SNRPC: variants seen among roughly 807,000 people sequenced by gnomAD.
SNRPC encodes small nuclear ribonucleoprotein polypeptide C.
Under a neutral mutation model 20.0 loss-of-function variants are expected in SNRPC, and 5 were observed. The ratio of observed to expected loss-of-function variants is 0.25; its 90% CI spans 0.13 to 0.53. The LOEUF (loss-of-function observed/expected upper bound fraction) is 0.53. SNRPC is among the 20% of genes least tolerant of loss of function. SNRPC has a pLI of 0.96. For missense variants in SNRPC, 112 were observed against 224.1 expected, an observed-to-expected ratio of 0.50 and a Z score of 3.19; for synonymous variants, 61 against 58.7, an observed-to-expected ratio of 1.04 and a Z score of -0.18.
Position 34,764,978 on chromosome 6 carries a change from G to A in SNRPC, c.160+2275G>A, listed in dbSNP as rs142156259. The stretch of plus-strand genomic sequence containing the variant: ...GGAGGTTGCAGTGAACAGAGATCTC[G>A]CCACTGCATTCCAGCCTGGGCAACA... On this transcript the variant is annotated intron_variant, in intron 3 of 5. Coordinates refer to ENST00000244520, the MANE Select transcript of SNRPC (RefSeq NM_003093.3). Among the ~76,000 whole-genome samples, 1,184 of 152,030 alleles carry A rather than the reference G, an allele frequency of 7.8e-3. 16 individuals are homozygous for A. The highest frequency in any genetic ancestry group is 0.024 in the African/African-American group (1,009 of 41,452).
At chr6:34,759,685 C>T (rs944537311) in intron 2 of SNRPC, among the ~76,000 whole-genome samples, 4 of 152,054 alleles carry the variant, frequency 2.6e-5, no homozygotes, top group Non-Finnish European at 5.9e-5. Flanking sequence ...TCTAAAGTAC[C>T]AGGAGTTTGG....
intron 3 of SNRPC, among the ~76,000 whole-genome samples, chr6:34,763,092 A>G (rs1354153340): frequency 6.6e-6 from 1 of 152,096 alleles, no homozygotes; most frequent in East Asian, 1.9e-4. Context: ...GGTTTTCCCC[A>G]AATAGTTTGA....
chr6:34,767,986 C>G lies in SNRPC; in HGVS notation c.239C>G (p.Pro80Arg). ...PPPAGAMIPPPPSLPGPPRPG... is the reference protein window; with the variant it reads ...PPPAGAMIPPRPSLPGPPRPG... ...CCTGCAGGGGCGATGATACCACCTCCCCCCAGCCTTCGTAAGTTTAAACTT... is the reference window on the plus strand; with the variant it reads ...CCTGCAGGGGCGATGATACCACCTCGCCCCAGCCTTCGTAAGTTTAAACTT... The change falls in exon 4 of 6, where the codon CCC becomes CGC. Residue 80 changes from proline (P) to arginine (R), a missense_variant. Physicochemically the swap from Pro to Arg is moderately radical, Grantham distance 103. This residue lies in a region of SNRPC where 45 missense variants were observed against 48.6 expected (regional missense o/e 0.93). Coordinates refer to ENST00000244520, the MANE Select transcript of SNRPC (RefSeq NM_003093.3). 1 of 1,612,040 alleles carries G rather than the reference C, an allele frequency of 6.2e-7. No individual in the cohort carries two copies. Among genetic ancestry groups the G allele is most frequent in the Non-Finnish European group, 8.5e-7 (1 of 1,179,298 alleles).
intron 2 of SNRPC, 78 bp downstream of exon 2, chr6:34,758,032 G>A: frequency 6.7e-7 from 1 of 1,486,494 alleles, no homozygotes; most frequent in Middle Eastern, 1.8e-4. Context: ...TTTTTAAGTT[G>A]CAAGTTGTGC....
chr6:34,758,017 T>C, intron 2 of SNRPC, 63 bp downstream of exon 2: 1 of 1,552,642 alleles, frequency 6.4e-7, no homozygotes, highest in Non-Finnish European at 8.7e-7. Context: ...ATGAGTTTTG[T>C]GTTTTTTTTA....
At position 34,773,305 on chromosome 6, in the gene SNRPC, T is replaced by G; in HGVS notation, c.356-141T>G. On this transcript the variant is annotated intron_variant, in intron 5 of 5. Coordinates refer to ENST00000244520, the MANE Select transcript of SNRPC (RefSeq NM_003093.3). This position sits in a 1 kb window ranked among gnomAD's most constrained non-coding sequence, Gnocchi z 4.1. ...TACAGATGTGATAAATTTGTTGCAT[T>G]TCTTCTGTCACGTGTGTCTTTTTTC... 1.5e-6 allele frequency: 1 copy of G among 657,770 alleles called. No individual in the cohort carries two copies. Among genetic ancestry groups the G allele is most frequent in the East Asian group, 2.8e-5 (1 of 36,174 alleles). 40.7% of individuals were successfully genotyped at this position (657,770 alleles called of 1,614,324 possible). A position where few individuals can be genotyped will look rare whatever the true frequency, so the allele number is the denominator to read the frequency against.
chr6:34,773,091 G>GA lies in SNRPC; in HGVS notation c.356-350dup, dbSNP rs574919104. ...ATAACACTGATTAAAAGAGCTGACT[G>GA]AAAAACATGTGACTTAGTTGTGAAT... On this transcript the variant is annotated intron_variant, in intron 5 of 5. Transcript: ENST00000244520. This position sits in a 1 kb window ranked among gnomAD's most constrained non-coding sequence, Gnocchi z 4.1. 4.2e-4 allele frequency: 92 copies of GA among 220,186 alleles called. No individual in the cohort carries two copies. In the South Asian group the frequency reaches 6.2e-3, roughly 15 times the overall value. The allele number at this position is 220,186 out of a possible 1,614,324, so 13.6% of individuals were successfully genotyped here. A position where few individuals can be genotyped will look rare whatever the true frequency, so the allele number is the denominator to read the frequency against.
intron 2 of SNRPC, among the ~76,000 whole-genome samples, chr6:34,759,965 A>G (rs1009839942): frequency 7.9e-5 from 12 of 152,190 alleles, no homozygotes; most frequent in Non-Finnish European, 1.3e-4. Context: ...AGTAGCTGGA[A>G]GAAACTGGCC....
intron 2 of SNRPC, 103 bp downstream of exon 2, chr6:34,758,057 AG>A: frequency 2.4e-6 from 3 of 1,225,088 alleles, no homozygotes; most frequent in Non-Finnish European, 3.4e-6. Flanking sequence ...CCACCTGCTG[AG>A]GTTTAAGGTC....
rs183084343 is a variant in SNRPC, at chr6:34,761,988, G to A, written c.52-607G>A. Among the ~76,000 whole-genome samples, 284 of 152,152 alleles carry A rather than the reference G, an allele frequency of 1.9e-3. 1 individual carries two copies. The highest frequency in any genetic ancestry group is 0.014 in the Middle Eastern group (4 of 294). ...TGCAGTTACTCAACTGTTCCTTGTA[G>A]AGAGAAGCTGTAGCCAATATATAAA... On this transcript the variant is annotated intron_variant, in intron 2 of 5. Coordinates refer to ENST00000244520, the MANE Select transcript of SNRPC (RefSeq NM_003093.3).
chr6:34,762,576 TG>T lies in SNRPC; in HGVS notation c.52-18del. 7.6e-7 allele frequency: 1 copy of T among 1,323,900 alleles called. No homozygotes were observed. Among genetic ancestry groups the T allele is most frequent in the East Asian group, 2.3e-5 (1 of 43,552 alleles). 82.0% of individuals were successfully genotyped at this position (1,323,900 alleles called of 1,614,324 possible). A position where few individuals can be genotyped will look rare whatever the true frequency, so the allele number is the denominator to read the frequency against. ...TGGACATTTGTTTCTACGTCTGATA[TG>T]ATCTTTTTATTTTACAGCCATCTGT... On this transcript the variant is annotated intron_variant, in intron 2 of 5. Coordinates refer to ENST00000244520, the MANE Select transcript of SNRPC (RefSeq NM_003093.3).
chr6:34,772,552 T>A (rs1366613415), intron 5 of SNRPC, among the ~76,000 whole-genome samples: 1 of 152,234 alleles, frequency 6.6e-6, no homozygotes, highest in Non-Finnish European at 1.5e-5. Context: ...TATATTCAAG[T>A]TTGAATATGG....
chr6:34,761,702 CG>C (rs1268029414), intron 2 of SNRPC, among the ~76,000 whole-genome samples: 3 of 150,522 alleles, frequency 2.0e-5, no homozygotes, highest in Non-Finnish European at 3.0e-5. Context: ...TTAGCAGAGA[CG>C]AGGTTTCACC....
At chr6:34,764,534 G>A (rs1192329462) in intron 3 of SNRPC, among the ~76,000 whole-genome samples, 3 of 149,926 alleles carry the variant, frequency 2.0e-5, no homozygotes, top group African/African-American at 4.9e-5. Context: ...ATGGTGGTGC[G>A]TGCCTGTAGC....
At chr6:34,772,075 A>C (rs952481213) in intron 5 of SNRPC, among the ~76,000 whole-genome samples, 1 of 152,040 alleles carries the variant, frequency 6.6e-6, no homozygotes, top group Non-Finnish European at 1.5e-5. Flanking sequence ...AGATTGTGGG[A>C]TTTGTGTTAA....
chr6:34,766,992 G>T (rs1176618797), intron 3 of SNRPC, among the ~76,000 whole-genome samples: 1 of 151,858 alleles, frequency 6.6e-6, no homozygotes, highest in African/African-American at 2.4e-5. Flanking sequence ...ATGATCTTCA[G>T]TTTCTCTTGT....
intron 4 of SNRPC, among the ~76,000 whole-genome samples, chr6:34,769,804 T>C (rs1414590547): frequency 2.6e-5 from 4 of 152,206 alleles, no homozygotes; most frequent in Admixed American, 2.6e-4. Flanking sequence ...TTCTTGCTTT[T>C]TATTCATAGA....
chr6:34,769,312 C>G (rs1377310115), intron 4 of SNRPC, among the ~76,000 whole-genome samples: 1 of 150,614 alleles, frequency 6.6e-6, no homozygotes, highest in Non-Finnish European at 1.5e-5. Context: ...TCACTGCAAC[C>G]TCCGCCTCCT....
chr6:34,766,707 T>G (rs1349512473), intron 3 of SNRPC, among the ~76,000 whole-genome samples: 1 of 152,184 alleles, frequency 6.6e-6, no homozygotes, highest in Non-Finnish European at 1.5e-5. Flanking sequence ...GAGAGAGGCC[T>G]TTTTGATTGA....
Sources: allele counts gnomAD v4.1 joint callset (sites outside exome capture counted in the v4.1 genomes callset), GRCh38; gene constraint gnomAD v4.1.1; regional missense constraint gnomAD v4.1.1; non-coding constraint Gnocchi (gnomAD v3.1); transcripts MANE v1.5; gene names NCBI Gene and HGNC (gene_info 2026-07-23, HGNC 2026-07-21).